Variants in GRIN3A observed in about 807,000 individuals in gnomAD.
GRIN3A encodes glutamate receptor ionotropic, NMDA 3A.
In GRIN3A, 47 loss-of-function variants were observed where a neutral mutation model predicts 92.4. The ratio of observed to expected loss-of-function variants is 0.51; its 90% CI spans 0.40 to 0.65. The LOEUF is 0.65. Among genes scored for constraint, GRIN3A ranks in the 30% least tolerant of loss-of-function variants. The pLI, the probability that GRIN3A is intolerant of heterozygous loss-of-function variation, is 0.00. For missense variants in GRIN3A, 1,324 were observed against 1,393.1 expected (o/e 0.95, Z 0.79); for synonymous variants, 527 against 540.6 (o/e 0.97, Z 0.35).
chr9:101,735,810 A>T lies in GRIN3A; in HGVS notation c.699+1471T>A, dbSNP rs536149193. Reference sequence around the variant, plus strand: ...GTATCTGTGTTTTCCATGCCTTCCCATCTGCTGCCTACACCATTCAGATTC... The same window carrying T: ...GTATCTGTGTTTTCCATGCCTTCCCTTCTGCTGCCTACACCATTCAGATTC... On this transcript the variant is annotated intron_variant, in intron 1 of 8. Coordinates refer to ENST00000361820, the MANE Select transcript of GRIN3A (RefSeq NM_133445.3). Among the ~76,000 whole-genome samples, 10 of 151,892 alleles carry T rather than the reference A, an allele frequency of 6.6e-5. 1 individual carries two copies. The highest frequency in any genetic ancestry group is 1.3e-4 in the Non-Finnish European group (9 of 67,856).
chr9:101,607,837 G>GT (rs1828307553), intron 6 of GRIN3A, among the ~76,000 whole-genome samples: 1 of 152,182 alleles, frequency 6.6e-6, no homozygotes, highest in East Asian at 1.9e-4. Flanking sequence ...CTGGGAGAAA[G>GT]TTAAGAAAAA....
intron 6 of GRIN3A, among the ~76,000 whole-genome samples, chr9:101,591,146 C>T (rs2118806763): frequency 6.6e-6 from 1 of 152,278 alleles, no homozygotes; most frequent in African/African-American, 2.4e-5. Context: ...TCGGTTTAAT[C>T]TAAATATTGT....
In GRIN3A at chr9:101,613,392, C is replaced by G; in HGVS notation, c.2750G>C (p.Ser917Thr). 6.2e-7 allele frequency: 1 copy of G among 1,614,124 alleles called. No individual in the cohort carries two copies. The highest frequency in any genetic ancestry group is 1.1e-5 in the South Asian group (1 of 91,074). ...TTTCCATACCTCCGTGACAGCAAAA[C>G]TTCTCTTGCCACAGGGAACCACCCT... ...WYRVVPCGKR[S>T]FAVTETLQMG... Residue 917 changes from serine to threonine, a missense_variant, in exon 6 of 9, where the codon AGT (serine) becomes ACT (threonine). Ser to Thr is a moderately conservative substitution (Grantham distance 58). Coordinates refer to ENST00000361820, the MANE Select transcript of GRIN3A (RefSeq NM_133445.3).
intron 6 of GRIN3A, among the ~76,000 whole-genome samples, chr9:101,583,847 A>C (rs904097105): frequency 6.6e-6 from 1 of 152,082 alleles, no homozygotes; most frequent in Non-Finnish European, 1.5e-5. Flanking sequence ...AGGCTGTCAC[A>C]GGATTGATTG....
At chr9:101,703,215 C>T (rs954273679) in intron 1 of GRIN3A, among the ~76,000 whole-genome samples, 1 of 152,204 alleles carries the variant, frequency 6.6e-6, no homozygotes, top group African/African-American at 2.4e-5. Context: ...TTACTCTCTG[C>T]CCTAAATGAT....
At position 101,738,105 on chromosome 9, in the gene GRIN3A, A is replaced by G. The variant is rs1830243178; in HGVS notation, c.-126T>C. 2.4e-6 allele frequency: 2 copies of G among 839,862 alleles called. No homozygotes were observed. Among genetic ancestry groups the G allele is most frequent in the Non-Finnish European group, 3.9e-6 (2 of 514,202 alleles). The allele number at this position is 839,862 out of a possible 1,614,324, so 52.0% of individuals were successfully genotyped here. Reference sequence around the variant, plus strand: ...TCACTCCACTCGGTGAAGCGGTCCCAGGAGCTGGAGCGGTCTCTAGGCCAT... The same window carrying G: ...TCACTCCACTCGGTGAAGCGGTCCCGGGAGCTGGAGCGGTCTCTAGGCCAT... On this transcript the variant is annotated 5_prime_UTR_variant, in exon 1 of 9. Transcript: ENST00000361820.
chr9:101,650,670 A>G (rs1829002908), intron 3 of GRIN3A, among the ~76,000 whole-genome samples: 1 of 152,000 alleles, frequency 6.6e-6, no homozygotes, highest in Non-Finnish European at 1.5e-5. Flanking sequence ...TCATAGAAAT[A>G]GGTGACTGAT....
intron 3 of GRIN3A, among the ~76,000 whole-genome samples, chr9:101,652,726 A>G (rs908246887): frequency 1.3e-4 from 19 of 151,982 alleles, no homozygotes; most frequent in Admixed American, 4.6e-4. Context: ...CTTTGAGGAA[A>G]ACTAGTTGAG....
chr9:101,605,994 T>C (rs1828275825), intron 6 of GRIN3A, among the ~76,000 whole-genome samples: 1 of 152,198 alleles, frequency 6.6e-6, no homozygotes, highest in African/African-American at 2.4e-5. Flanking sequence ...GACATAGAAC[T>C]GCCTCCTCCT....
At chr9:101,646,361 T>C (rs1828937785) in intron 3 of GRIN3A, among the ~76,000 whole-genome samples, 1 of 151,872 alleles carries the variant, frequency 6.6e-6, no homozygotes, top group Non-Finnish European at 1.5e-5. Flanking sequence ...CAATATACAC[T>C]GTTTACGCAA....
chr9:101,636,045 T>TTG (rs1828780115), intron 3 of GRIN3A, among the ~76,000 whole-genome samples: 2 of 152,072 alleles, frequency 1.3e-5, no homozygotes, highest in African/African-American at 4.8e-5. Flanking sequence ...CCAGCTATTT[T>TTG]TGTGTGTGTG....
chr9:101,703,079 G>A (rs1829774516), intron 1 of GRIN3A, among the ~76,000 whole-genome samples: 1 of 152,158 alleles, frequency 6.6e-6, no homozygotes, highest in Non-Finnish European at 1.5e-5. Flanking sequence ...TGCCTATTCA[G>A]TAATTAGTTT....
At chr9:101,574,948 C>A (rs960250117) in intron 8 of GRIN3A, among the ~76,000 whole-genome samples, 1 of 152,228 alleles carries the variant, frequency 6.6e-6, no homozygotes, top group Non-Finnish European at 1.5e-5. Context: ...CTGCTTTCCC[C>A]ATCCCCCAAA....
At chr9:101,654,089 G>A (rs79984747) in intron 3 of GRIN3A, among the ~76,000 whole-genome samples, 10,866 of 151,470 alleles carry the variant, frequency 0.072, 525 homozygotes, top group East Asian at 0.22. Context: ...TTAAAATTGC[G>A]TACCTATTTT....
At chr9:101,699,193 A>T (rs1829723642) in intron 1 of GRIN3A, among the ~76,000 whole-genome samples, 1 of 152,136 alleles carries the variant, frequency 6.6e-6, no homozygotes, top group South Asian at 2.1e-4. Flanking sequence ...TAAAGATATG[A>T]ACAGATATTA....
chr9:101,581,472 C>T (rs953911708), intron 6 of GRIN3A, among the ~76,000 whole-genome samples: 1 of 152,120 alleles, frequency 6.6e-6, no homozygotes, highest in Non-Finnish European at 1.5e-5. Flanking sequence ...GGATGAGTGC[C>T]CTTATAAAAG....
intron 3 of GRIN3A, among the ~76,000 whole-genome samples, chr9:101,667,971 A>G (rs1036177399): frequency 3.3e-5 from 5 of 152,068 alleles, no homozygotes; most frequent in African/African-American, 1.2e-4. Flanking sequence ...AAATTCATTT[A>G]TTATCCCAAA....
intron 6 of GRIN3A, among the ~76,000 whole-genome samples, chr9:101,599,214 C>T (rs545744674): frequency 3.1e-4 from 47 of 152,156 alleles, no homozygotes; most frequent in African/African-American, 6.7e-4. Flanking sequence ...GATGAGGTAG[C>T]GTATATAGAA....
chr9:101,666,848 T>A (rs1829244260), intron 3 of GRIN3A, among the ~76,000 whole-genome samples: 1 of 152,048 alleles, frequency 6.6e-6, no homozygotes, highest in Non-Finnish European at 1.5e-5. Flanking sequence ...CTCACATCCT[T>A]TCTTCAGTGA....
Sources: gnomAD v4.1 joint callset for allele counts (sites outside exome capture counted in the v4.1 genomes callset) on GRCh38, gnomAD v4.1.1 for gene constraint, MANE v1.5 for transcripts, NCBI Gene and HGNC (gene_info 2026-07-23, HGNC 2026-07-21) for gene names.